GNAQ: variants seen among roughly 807,000 people sequenced by gnomAD.
GNAQ encodes the protein G protein subunit alpha q, also known as guanine nucleotide-binding protein G(q) subunit alpha.
A neutral mutation model predicts 43.9 loss-of-function variants in GNAQ; 8 were observed. The ratio of observed to expected loss-of-function variants is 0.18; its 90% CI spans 0.11 to 0.33. GNAQ has a LOEUF of 0.33. Among genes scored for constraint, GNAQ ranks in the 10% least tolerant of loss-of-function variants. The pLI is 1.00. For missense variants in GNAQ, 158 were observed against 450.8 expected (o/e 0.35, Z 5.88); for synonymous variants, 155 against 170.7 (o/e 0.91, Z 0.71).
At chr9:77,759,287 G>C (rs1825951991) in intron 5 of GNAQ, among the ~76,000 whole-genome samples, 1 of 152,032 alleles carries the variant, frequency 6.6e-6, no homozygotes, top group Non-Finnish European at 1.5e-5. Flanking sequence ...AAACATTTTA[G>C]CAAACTATTA....
chr9:77,761,255 C>A (rs1208256877), intron 5 of GNAQ, among the ~76,000 whole-genome samples: 1 of 140,376 alleles, frequency 7.1e-6, no homozygotes, highest in African/African-American at 2.7e-5. Flanking sequence ...CGGCCAGCCA[C>A]CCTGTCCGGG....
chr9:77,720,688 C>A lies in GNAQ; in HGVS notation c.*635G>T, dbSNP rs2118188001. On this transcript the variant is annotated 3_prime_UTR_variant, in exon 7 of 7. Coordinates refer to ENST00000286548, the MANE Select transcript of GNAQ (RefSeq NM_002072.5). ...TAACTTTTAGATGGGCATCCACTGT[C>A]CCAGTCCAAAGTGAGACAAGACAGT... 1 of 233,248 alleles carries A rather than the reference C, an allele frequency of 4.3e-6. No homozygotes were observed. Among genetic ancestry groups the A allele is most frequent in the Non-Finnish European group, 8.5e-6 (1 of 117,926 alleles). 14.4% of individuals were successfully genotyped at this position (233,248 alleles called of 1,614,324 possible).
In GNAQ at chr9:77,854,318, T is replaced by C. The variant is rs186973001; in HGVS notation, c.322-38548A>G. On this transcript the variant is annotated intron_variant, in intron 2 of 6. Coordinates refer to ENST00000286548, the MANE Select transcript of GNAQ (RefSeq NM_002072.5). ...TTGAGGTTTGACCTAATGCAACTGATACCCCTACTTACTGTTTAGGAATTA... is the reference window on the plus strand; with the variant it reads ...TTGAGGTTTGACCTAATGCAACTGACACCCCTACTTACTGTTTAGGAATTA... 2.6e-5 allele frequency among the ~76,000 whole-genome samples: 4 copies of C among 152,324 alleles called. No homozygotes were observed. In the East Asian group the frequency reaches 7.7e-4, roughly 29 times the overall value.
At chr9:77,775,984 T>G (rs986574916) in intron 5 of GNAQ, among the ~76,000 whole-genome samples, 45 of 152,108 alleles carry the variant, frequency 3.0e-4, no homozygotes, top group African/African-American at 1.1e-3. Flanking sequence ...GACAAACTTA[T>G]GGAATGGTGG....
chr9:77,988,981 C>T (rs1823476064), intron 1 of GNAQ, among the ~76,000 whole-genome samples: 1 of 152,232 alleles, frequency 6.6e-6, no homozygotes, highest in South Asian at 2.1e-4. Flanking sequence ...AAAGATAAAA[C>T]GCTGTTCAAT....
chr9:78,018,223 G>C (rs746829215), intron 1 of GNAQ, among the ~76,000 whole-genome samples: 6 of 150,492 alleles, frequency 4.0e-5, no homozygotes, highest in Non-Finnish European at 8.9e-5. Flanking sequence ...CCTCTCAAAA[G>C]AATCTTATAC....
chr9:77,828,059 C>CAA (rs71360654), intron 2 of GNAQ, among the ~76,000 whole-genome samples: 435 of 19,246 alleles, frequency 0.023, 47 homozygotes, highest in Non-Finnish European at 0.031. Context: ...GACTCCTCCT[C>CAA]AAAAAAAAAA....
intron 2 of GNAQ, among the ~76,000 whole-genome samples, chr9:77,879,200 A>G (rs1226897674): frequency 6.6e-6 from 1 of 152,140 alleles, no homozygotes; most frequent in Non-Finnish European, 1.5e-5. Context: ...TTAAAGGACT[A>G]TTTTTTAAAA....
intron 2 of GNAQ, among the ~76,000 whole-genome samples, chr9:77,915,674 T>C (rs990345924): frequency 6.6e-6 from 1 of 152,088 alleles, no homozygotes; most frequent in Admixed American, 6.6e-5. Context: ...AATGGGATAA[T>C]CCCAAGCTTA....
In GNAQ at chr9:77,922,201, A is replaced by G; in HGVS notation, c.281T>C (p.Met94Thr). ...FTAMQAMIRA[M>T]DTLKIPYKYE... ...CTTGTATGGGATCTTGAGTGTGTCC[A>G]TGGCTCTGATCATGGCCTGCATGGC... The change falls in exon 2 of 7, where the codon ATG (methionine) becomes ACG (threonine). Residue 94 changes from methionine (M) to threonine (T), a missense_variant. Physicochemically the swap from Met to Thr is moderately conservative, Grantham distance 81. This residue lies in a region of GNAQ where 57 missense variants were observed against 78.2 expected (regional missense o/e 0.73). Coordinates refer to ENST00000286548, the MANE Select transcript of GNAQ (RefSeq NM_002072.5). 3 of 1,613,870 alleles carry G rather than the reference A, an allele frequency of 1.9e-6. No homozygotes were observed. The highest frequency in any genetic ancestry group is 1.1e-5 in the South Asian group (1 of 91,082).
At chr9:77,799,204 G>A (rs1294618210) in intron 3 of GNAQ, among the ~76,000 whole-genome samples, 1 of 152,122 alleles carries the variant, frequency 6.6e-6, no homozygotes, top group Non-Finnish European at 1.5e-5. Flanking sequence ...CAACTACAAA[G>A]TATATGCACA....
In GNAQ at chr9:77,987,930, T is replaced by C. The variant is rs79038537; in HGVS notation, c.136+43170A>G. On this transcript the variant is annotated intron_variant, in intron 1 of 6. Transcript: ENST00000286548. The stretch of plus-strand genomic sequence containing the variant: ...AGAAGAAAGAAGTTAGAGTATCCCA[T>C]GAGTAGGGGGTGGTGTTGTGGTCAG... Among the ~76,000 whole-genome samples, 60 of 152,052 alleles carry C rather than the reference T, an allele frequency of 3.9e-4. 1 individual carries two copies. The East Asian group carries it at 0.01, about 26-fold the overall frequency.
intron 1 of GNAQ, among the ~76,000 whole-genome samples, chr9:77,983,354 G>A (rs2118501344): frequency 6.6e-6 from 1 of 152,250 alleles, no homozygotes; most frequent in South Asian, 2.1e-4. Flanking sequence ...ATCTTCTAAA[G>A]GACTTGTGTG....
At chr9:78,009,919 T>G (rs1823753441) in intron 1 of GNAQ, among the ~76,000 whole-genome samples, 1 of 152,122 alleles carries the variant, frequency 6.6e-6, no homozygotes, top group Non-Finnish European at 1.5e-5. Flanking sequence ...GGACTAGCAG[T>G]GCAATGCTGT....
At chr9:77,777,367 A>G (rs1419689563) in intron 5 of GNAQ, among the ~76,000 whole-genome samples, 4 of 152,072 alleles carry the variant, frequency 2.6e-5, no homozygotes, top group African/African-American at 9.7e-5. Context: ...ATATACTAAA[A>G]TGTAAGAGCT....
intron 3 of GNAQ, among the ~76,000 whole-genome samples, chr9:77,800,172 T>C (rs1338440914): frequency 2.0e-5 from 3 of 151,934 alleles, no homozygotes; most frequent in Non-Finnish European, 2.9e-5. Context: ...TGGCGATTCC[T>C]CAGGGATCTA....
chr9:77,916,062 T>A (rs2118244168), intron 2 of GNAQ, among the ~76,000 whole-genome samples: 1 of 152,294 alleles, frequency 6.6e-6, no homozygotes, highest in Non-Finnish European at 1.5e-5. Context: ...GACAGAAGAT[T>A]GGAAATGGCC....
At chr9:77,862,858 A>AT (rs1564133567) in intron 2 of GNAQ, among the ~76,000 whole-genome samples, 3 of 152,194 alleles carry the variant, frequency 2.0e-5, no homozygotes, top group Non-Finnish European at 4.4e-5. Context: ...ACAGGACCCA[A>AT]GTCACTTCTT....
intron 5 of GNAQ, among the ~76,000 whole-genome samples, chr9:77,753,415 T>C (rs1361726240): frequency 6.6e-6 from 1 of 152,224 alleles, no homozygotes; most frequent in African/African-American, 2.4e-5. Flanking sequence ...AGGTTTAAGA[T>C]GATAAACAGT....
Sources: gnomAD v4.1 joint callset for allele counts (sites outside exome capture counted in the v4.1 genomes callset) on GRCh38, gnomAD v4.1.1 for gene constraint, gnomAD v4.1.1 regional missense constraint, MANE v1.5 for transcripts, NCBI Gene and HGNC (gene_info 2026-07-23, HGNC 2026-07-21) for gene names.